Variants in TDRD5 observed in about 807,000 individuals in gnomAD.
TDRD5 encodes tudor domain-containing protein 5.
TDRD5 carries 41 observed loss-of-function variants against 120.6 expected under a neutral mutation model. The ratio of observed to expected loss-of-function variants is 0.34; its 90% CI spans 0.26 to 0.44. The LOEUF is 0.44. TDRD5 is among the 20% of genes least tolerant of loss of function. The probability of loss-of-function intolerance (pLI) is 1.00; values close to 1 mark genes in which losing one functional copy is unlikely to be tolerated. For missense variants in TDRD5, 1,006 were observed against 1,221.2 expected (o/e 0.82, Z 2.63); for synonymous variants, 430 against 433.7 (o/e 0.99, Z 0.11).
chr1:179,687,731 A>G (rs1680809539), intron 17 of TDRD5, among the ~76,000 whole-genome samples: 1 of 152,060 alleles, frequency 6.6e-6, no homozygotes, highest in Non-Finnish European at 1.5e-5. Flanking sequence ...GTGCTCCTGT[A>G]TTGGGTGCAT....
chr1:179,609,494 A>C (rs918239977), intron 4 of TDRD5, among the ~76,000 whole-genome samples: 1 of 152,142 alleles, frequency 6.6e-6, no homozygotes, highest in South Asian at 2.1e-4. Context: ...TTCAAATTTC[A>C]GATTTTTGGA....
At position 179,690,941 on chromosome 1, in the gene TDRD5, T is replaced by C; in HGVS notation, c.3106T>C (p.Ter1036ArgextTer42). 1 of 1,608,628 alleles carries C rather than the reference T, an allele frequency of 6.2e-7. No individual in the cohort carries two copies. The highest frequency in any genetic ancestry group is 8.5e-7 in the Non-Finnish European group (1 of 1,176,308). The change falls in exon 18 of 18, where the codon TGA (stop) becomes CGA (arginine). Residue 1036 changes from the stop codon to arginine, a stop_lost. Transcript: ENST00000444136. Reference sequence around the variant, plus strand: ...CCCCAGTGTGAAAAGGATGGAAGCATGAGGGAGGGAGGGAGGAGGGAGAAA... The same window carrying C: ...CCCCAGTGTGAAAAGGATGGAAGCACGAGGGAGGGAGGGAGGAGGGAGAAA... ...WYPSVKRMEA[*>R]
intron 9 of TDRD5, among the ~76,000 whole-genome samples, chr1:179,638,158 T>G (rs1244070169): frequency 2.3e-5 from 3 of 132,410 alleles, no homozygotes; most frequent in Non-Finnish European, 3.4e-5. Context: ...CATGGGAAGA[T>G]GTTTTCTCTT....
intron 17 of TDRD5, among the ~76,000 whole-genome samples, chr1:179,675,530 C>T (rs6656919): frequency 0.34 from 51,464 of 151,286 alleles, 8,948 homozygotes; most frequent in Admixed American, 0.42. Flanking sequence ...CCGCCCGCCT[C>T]GGCCTCCCAA....
At chr1:179,615,629 A>G (rs1295766791) in intron 4 of TDRD5, among the ~76,000 whole-genome samples, 1 of 151,984 alleles carries the variant, frequency 6.6e-6, no homozygotes, top group East Asian at 1.9e-4. Flanking sequence ...GAAATCACTG[A>G]TTACCTCCCA....
At position 179,640,430 on chromosome 1, in the gene TDRD5, G is replaced by T. The variant is rs746659177; in HGVS notation, c.1785G>T (p.Trp595Cys). 8.7e-6 allele frequency: 14 copies of T among 1,614,038 alleles called. No homozygotes were observed. The South Asian group carries it at 1.3e-4, about 15-fold the overall frequency. Residue 595 changes from tryptophan to cysteine, a missense_variant, in exon 11 of 18, where the codon TGG becomes TGT. Coordinates refer to ENST00000444136, the MANE Select transcript of TDRD5 (RefSeq NM_001199085.3). ...PAQAIPCSLA[W>C]VRPVEEHWTS... ...AGGCTATCCCTTGTTCTTTGGCTTG[G>T]GTGAGACCAGTAGAGGTATGTTTGC...
intron 16 of TDRD5, among the ~76,000 whole-genome samples, chr1:179,668,769 G>C (rs1173881813): frequency 2.3e-5 from 3 of 132,780 alleles, no homozygotes; most frequent in Non-Finnish European, 4.7e-5. Flanking sequence ...TTGTGATGGA[G>C]TCTCGCTCTG....
At chr1:179,618,842 G>A (rs938646002) in intron 5 of TDRD5, among the ~76,000 whole-genome samples, 160 bp downstream of exon 5, 7 of 151,996 alleles carry the variant, frequency 4.6e-5, no homozygotes, top group African/African-American at 1.7e-4. Context: ...AACAAAATAC[G>A]TACTCCTAAA....
At chr1:179,673,548 A>G (rs1679965274) in intron 17 of TDRD5, among the ~76,000 whole-genome samples, 1 of 152,224 alleles carries the variant, frequency 6.6e-6, no homozygotes, top group South Asian at 2.1e-4. Context: ...ATCAATCAAT[A>G]TATGTAAGAA....
Position 179,675,570 on chromosome 1 carries a change from C to T in TDRD5, c.2860+6166C>T, listed in dbSNP as rs567466503. 2.7e-3 allele frequency among the ~76,000 whole-genome samples: 406 copies of T among 152,172 alleles called. 2 individuals are homozygous for T. Among genetic ancestry groups the T allele is most frequent in the African/African-American group, 9.4e-3 (391 of 41,526 alleles). On this transcript the variant is annotated intron_variant, in intron 17 of 17. Coordinates refer to ENST00000444136, the MANE Select transcript of TDRD5 (RefSeq NM_001199085.3). The stretch of plus-strand genomic sequence containing the variant: ...CTGGGATTACAGGCGTGAGCCACCG[C>T]GCCCGGCCCTCAAAGAATTTTTAAA...
At position 179,663,506 on chromosome 1, in the gene TDRD5, C is replaced by G; in HGVS notation, c.2649+15C>G. 1 of 1,600,460 alleles carries G rather than the reference C, an allele frequency of 6.2e-7. No individual in the cohort carries two copies. Among genetic ancestry groups the G allele is most frequent in the Non-Finnish European group, 8.5e-7 (1 of 1,175,836 alleles). On this transcript the variant is annotated intron_variant, in intron 16 of 17. Coordinates refer to ENST00000444136, the MANE Select transcript of TDRD5 (RefSeq NM_001199085.3). The stretch of plus-strand genomic sequence containing the variant: ...GGACTCAAAAGGTAAATGTCTAATG[C>G]AGGTTATTGGGACAGGTTTGCATAA...
At chr1:179,619,111 A>G (rs768651428) in intron 5 of TDRD5, among the ~76,000 whole-genome samples, 1 of 152,230 alleles carries the variant, frequency 6.6e-6, no homozygotes, top group Non-Finnish European at 1.5e-5. Context: ...TTCTCCAGTT[A>G]ATGTCCATGG....
At chr1:179,651,256 A>G (rs1301939853) in intron 12 of TDRD5, among the ~76,000 whole-genome samples, 189 bp downstream of exon 12, 1 of 152,180 alleles carries the variant, frequency 6.6e-6, no homozygotes, top group Non-Finnish European at 1.5e-5. Flanking sequence ...GCATTTGACT[A>G]ATTGTCCTTT....
rs1197204321 is a variant in TDRD5 at position 179,591,857 on chromosome 1, T to C, written c.-283T>C. 1 of 152,402 alleles carries C rather than the reference T, an allele frequency of 6.6e-6. No homozygotes were observed. The highest frequency in any genetic ancestry group is 2.4e-5 in the African/African-American group (1 of 41,468). The allele number at this position is 152,402 out of a possible 1,614,324, so 9.4% of individuals were successfully genotyped here. A position where few individuals can be genotyped will look rare whatever the true frequency, so the allele number is the denominator to read the frequency against. On this transcript the variant is annotated 5_prime_UTR_variant, in exon 1 of 18. Transcript: ENST00000444136. ...AGGCGCGCGGGGCCGCCGTCGCAGC[T>C]ACCTTCCTGCGCCGATTCGGAGAGG...
intron 17 of TDRD5, among the ~76,000 whole-genome samples, chr1:179,674,509 T>A (rs1680018823): frequency 1.3e-5 from 2 of 152,250 alleles, no homozygotes; most frequent in African/African-American, 4.8e-5. Flanking sequence ...TTTTTTTTGT[T>A]GTTGTTATGT....
chr1:179,600,515 A>G (rs1410094267), intron 4 of TDRD5, among the ~76,000 whole-genome samples: 1 of 152,222 alleles, frequency 6.6e-6, no homozygotes, highest in Non-Finnish European at 1.5e-5. Context: ...ACAACAATGA[A>G]ATCACCTAAT....
At chr1:179,689,242 C>T (rs1259797930) in intron 17 of TDRD5, among the ~76,000 whole-genome samples, 2 of 152,188 alleles carry the variant, frequency 1.3e-5, no homozygotes. Flanking sequence ...GTGTGGATGT[C>T]CTTTCTGTTT....
chr1:179,612,362 G>A (rs1676327404), intron 4 of TDRD5, among the ~76,000 whole-genome samples: 1 of 152,120 alleles, frequency 6.6e-6, no homozygotes, highest in African/African-American at 2.4e-5. Context: ...CTTTTGAAAG[G>A]CGTTCAATTT....
intron 17 of TDRD5, among the ~76,000 whole-genome samples, chr1:179,676,381 T>G (rs1421271585): frequency 2.0e-5 from 3 of 152,352 alleles, no homozygotes; most frequent in Non-Finnish European, 4.4e-5. Flanking sequence ...GAGGTACTAT[T>G]CTATTCATCA....
Sources: gnomAD v4.1 joint callset for allele counts (sites outside exome capture counted in the v4.1 genomes callset) on GRCh38, gnomAD v4.1.1 for gene constraint, MANE v1.5 for transcripts, NCBI Gene and HGNC (gene_info 2026-07-23, HGNC 2026-07-21) for gene names.